Variants in RBFOX1 observed in about 807,000 individuals in gnomAD.
RBFOX1 encodes the protein RNA binding protein fox-1 homolog 1.
Under a neutral mutation model 57.7 loss-of-function variants are expected in RBFOX1, and 8 were observed. The ratio of observed to expected loss-of-function variants is 0.14; its 90% CI spans 0.08 to 0.25. The LOEUF is 0.25. Among genes scored for constraint, RBFOX1 ranks in the 10% least tolerant of loss-of-function variants. The pLI, the probability that RBFOX1 is intolerant of heterozygous loss-of-function variation, is 1.00. For missense variants in RBFOX1, 611 were observed against 548.5 expected, an observed-to-expected ratio of 1.11 and a Z score of -1.14; for synonymous variants, 326 against 222.4, an observed-to-expected ratio of 1.47 and a Z score of -4.15.
intron 3 of RBFOX1, among the ~76,000 whole-genome samples, chr16:6,725,170 C>T (rs1344143723): frequency 6.6e-6 from 1 of 151,464 alleles, no homozygotes; most frequent in Non-Finnish European, 1.5e-5. Context: ...CCTGCCTCAG[C>T]CTCCCGAGTA....
intron 2 of RBFOX1, among the ~76,000 whole-genome samples, chr16:6,521,842 T>C (rs1471613254): frequency 1.3e-5 from 2 of 152,164 alleles, no homozygotes; most frequent in Non-Finnish European, 2.9e-5. Context: ...ATGGAAGGCT[T>C]AGAGTTAGGA....
At chr16:7,616,652 C>T (rs1340259724) in intron 10 of RBFOX1, among the ~76,000 whole-genome samples, 2 of 152,118 alleles carry the variant, frequency 1.3e-5, no homozygotes, top group African/African-American at 2.4e-5. Flanking sequence ...CAACCTCTGC[C>T]TCCCAGGTAG....
intron 4 of RBFOX1, among the ~76,000 whole-genome samples, chr16:7,245,201 T>C (rs928979131): frequency 4.6e-5 from 7 of 152,190 alleles, no homozygotes; most frequent in Non-Finnish European, 1.0e-4. Flanking sequence ...ATAATAAATA[T>C]CTTATATTTC....
intron 2 of RBFOX1, among the ~76,000 whole-genome samples, chr16:6,450,837 G>A (rs370774298): frequency 0.29 from 6,363 of 21,688 alleles, 1,546 homozygotes; most frequent in East Asian, 0.38. Context: ...ATATATATAT[G>A]TGTATATATA....
intron 9 of RBFOX1, among the ~76,000 whole-genome samples, chr16:7,605,282 C>A (rs1476772176): frequency 6.6e-6 from 1 of 151,996 alleles, no homozygotes; most frequent in Non-Finnish European, 1.5e-5. Flanking sequence ...TATAGAAATT[C>A]TTATAAGGCA....
chr16:7,671,732 A>G (rs1290465688), intron 13 of RBFOX1: 3 of 807,176 alleles, frequency 3.7e-6, no homozygotes, highest in Non-Finnish European at 6.2e-6. Context: ...TGAATTTTCC[A>G]GTTTTAATAT....
chr16:6,540,904 C>A (rs988285199), intron 2 of RBFOX1, among the ~76,000 whole-genome samples: 10 of 152,068 alleles, frequency 6.6e-5, no homozygotes, highest in Non-Finnish European at 1.5e-4. Context: ...AATGTCGTTT[C>A]TCTGACTTCT....
chr16:5,307,366 C>T (rs1253426451), intron 1 of RBFOX1, among the ~76,000 whole-genome samples: 2 of 152,206 alleles, frequency 1.3e-5, no homozygotes, highest in African/African-American at 4.8e-5. Flanking sequence ...TGATTCTCTC[C>T]CTGCCATCTT....
In RBFOX1 at chr16:7,607,988, G is replaced by T. The variant is rs562869240; in HGVS notation, c.676+650G>T. Among the ~76,000 whole-genome samples, 2 of 152,266 alleles carry T rather than the reference G, an allele frequency of 1.3e-5. 1 individual carries two copies. The highest frequency in any genetic ancestry group is 4.2e-4 in the South Asian group (2 of 4,814). ...TTTGGGAGAGCATAACCCAGAAGCA[G>T]TAGTGGCTGAGATTTCATGTCTCGA... is the stretch of plus-strand genomic sequence containing the variant. On this transcript the variant is annotated intron_variant, in intron 10 of 15. Transcript: ENST00000550418.
chr16:7,214,853 C>T (rs145129001), intron 4 of RBFOX1, among the ~76,000 whole-genome samples: 1 of 152,088 alleles, frequency 6.6e-6, no homozygotes, highest in Non-Finnish European at 1.5e-5. Context: ...ATGGGATAGT[C>T]TGGGTGTCTG....
intron 3 of RBFOX1, among the ~76,000 whole-genome samples, chr16:6,806,152 G>T (rs2086712329): frequency 6.6e-6 from 1 of 152,166 alleles, no homozygotes; most frequent in Non-Finnish European, 1.5e-5. Context: ...AGTTAGAATA[G>T]AAATGAGTAT....
At chr16:7,649,134 C>T (rs2064387236) in intron 11 of RBFOX1, among the ~76,000 whole-genome samples, 1 of 152,084 alleles carries the variant, frequency 6.6e-6, no homozygotes, top group Admixed American at 6.6e-5. Context: ...GAAAGTACAG[C>T]TACTCCATAG....
At chr16:6,969,477 G>C (rs1025701959) in intron 3 of RBFOX1, among the ~76,000 whole-genome samples, 1 of 152,062 alleles carries the variant, frequency 6.6e-6, no homozygotes, top group African/African-American at 2.4e-5. Context: ...GCTCATGCCT[G>C]TAATCCCAGC....
chr16:7,274,015 A>C (rs1204229198), intron 4 of RBFOX1, among the ~76,000 whole-genome samples: 6 of 152,246 alleles, frequency 3.9e-5, no homozygotes, highest in Non-Finnish European at 4.4e-5. Context: ...CTTTCCACTA[A>C]GTAAAATACA....
chr16:7,710,447 G>A, intron 15 of RBFOX1, 176 bp from the exon 16 acceptor site: 1 of 1,436,394 alleles, frequency 7.0e-7, no homozygotes, highest in Non-Finnish European at 9.0e-7. Flanking sequence ...AGGAGCTATT[G>A]GGGAAGGTCA....
intron 4 of RBFOX1, among the ~76,000 whole-genome samples, chr16:7,292,885 TC>T (rs748203308): frequency 6.6e-6 from 1 of 151,902 alleles, no homozygotes; most frequent in Non-Finnish European, 1.5e-5. Context: ...TAAGAGATGA[TC>T]CCCTCAAAGA....
At chr16:5,770,894 C>G (rs1032639263) in intron 3 of RBFOX1, among the ~76,000 whole-genome samples, 1 of 152,194 alleles carries the variant, frequency 6.6e-6, no homozygotes, top group South Asian at 2.1e-4. Context: ...TCTTGCCTCC[C>G]CATCTTACTG....
chr16:6,545,395 C>G (rs558199338), intron 2 of RBFOX1, among the ~76,000 whole-genome samples: 1 of 152,296 alleles, frequency 6.6e-6, no homozygotes, highest in African/African-American at 2.4e-5. Flanking sequence ...TCCAACCCCT[C>G]TCTCTCTTTC....
At chr16:7,055,147 A>AT (rs2051700403) in intron 4 of RBFOX1, among the ~76,000 whole-genome samples, 1 of 152,164 alleles carries the variant, frequency 6.6e-6, no homozygotes. Context: ...AACAGTTTTT[A>AT]TTTTTTAACT....
Sources: gnomAD v4.1 joint callset for allele counts (sites outside exome capture counted in the v4.1 genomes callset) on GRCh38, gnomAD v4.1.1 for gene constraint, MANE v1.5 for transcripts, NCBI Gene and HGNC (gene_info 2026-07-23, HGNC 2026-07-21) for gene names.